Variants in ACBD6 observed in about 807,000 individuals in gnomAD.
ACBD6 encodes acyl-CoA-binding domain-containing protein 6.
Under a neutral mutation model 37.2 loss-of-function variants are expected in ACBD6, and 28 were observed. The observed-to-expected ratio is 0.75, with a 90% CI of 0.56 to 1.03. The LOEUF is 1.03. Among genes scored for constraint, ACBD6 ranks in the 50% least tolerant of loss-of-function variants. The pLI is 0.00. For missense variants in ACBD6, 340 were observed against 337.4 expected, an observed-to-expected ratio of 1.01 and a Z score of -0.06; for synonymous variants, 113 against 126.8, an observed-to-expected ratio of 0.89 and a Z score of 0.73.
chr1:180,419,009 C>A (rs896688926), intron 4 of ACBD6, among the ~76,000 whole-genome samples: 2 of 152,174 alleles, frequency 1.3e-5, no homozygotes, highest in African/African-American at 4.8e-5. Flanking sequence ...CCCAGCACTT[C>A]GGGAGGCCGA....
chr1:180,279,220 C>T (rs950717086), intron 9 of ACBD6, among the ~76,000 whole-genome samples: 20 of 152,208 alleles, frequency 1.3e-4, no homozygotes, highest in African/African-American at 4.1e-4. Context: ...TGGGCACGAT[C>T]CTCTGCCCCC....
chr1:180,346,997 CAG>C, intron 6 of ACBD6, among the ~76,000 whole-genome samples: 1 of 151,552 alleles, frequency 6.6e-6, no homozygotes, highest in South Asian at 2.1e-4. Flanking sequence ...CCCCGGGTGA[CAG>C]AGTGAGACCT....
intron 3 of ACBD6, among the ~76,000 whole-genome samples, chr1:180,459,896 G>A (rs913203147): frequency 3.3e-5 from 5 of 149,614 alleles, no homozygotes; most frequent in African/African-American, 9.8e-5. Flanking sequence ...AGGGGAGTCC[G>A]AACCATTTAG....
chr1:180,440,965 T>A (rs1340145996), intron 3 of ACBD6, among the ~76,000 whole-genome samples: 2 of 152,206 alleles, frequency 1.3e-5, no homozygotes, highest in Non-Finnish European at 2.9e-5. Context: ...TAATGGACAT[T>A]TGGGTTGTTT....
intron 3 of ACBD6, among the ~76,000 whole-genome samples, chr1:180,444,275 T>C (rs1336013668): frequency 2.0e-5 from 3 of 147,116 alleles, no homozygotes; most frequent in Non-Finnish European, 3.0e-5. Context: ...CAGAGTGAGA[T>C]TCCGTCTCTC....
At chr1:180,492,038 A>T (rs1345971824) in intron 3 of ACBD6, among the ~76,000 whole-genome samples, 1 of 152,104 alleles carries the variant, frequency 6.6e-6, no homozygotes, top group Non-Finnish European at 1.5e-5. Context: ...TTGAACTCTT[A>T]CCTCAGGTGA....
At chr1:180,390,435 G>A (rs1449950749) in intron 6 of ACBD6, among the ~76,000 whole-genome samples, 2 of 151,800 alleles carry the variant, frequency 1.3e-5, no homozygotes, top group Non-Finnish European at 2.9e-5. Context: ...GTCAGGTAGT[G>A]TGATGCCTCC....
rs371560714 is a variant in ACBD6 at position 180,389,230 on chromosome 1, C to G, written c.663+8286G>C. Among the ~76,000 whole-genome samples the G allele has an allele frequency of 9.8e-5, 15 of 152,286 alleles. No homozygotes were observed. The East Asian group carries it at 1.2e-3, about 12-fold the overall frequency. ...TGCGTTCTCATTGTTCAATTCCCACCTATGAGTGAGAACATGCGGAGTTTG... is the reference window on the plus strand; with the variant it reads ...TGCGTTCTCATTGTTCAATTCCCACGTATGAGTGAGAACATGCGGAGTTTG... On this transcript the variant is annotated intron_variant, in intron 6 of 7. Transcript: ENST00000367595.
chr1:180,316,544 T>C (rs184603170), intron 6 of ACBD6, among the ~76,000 whole-genome samples: 10 of 152,296 alleles, frequency 6.6e-5, no homozygotes, highest in Non-Finnish European at 1.0e-4. Context: ...TCACTATTTG[T>C]GCATAACTTT....
chr1:180,389,815 T>G (rs1351631397), intron 6 of ACBD6, among the ~76,000 whole-genome samples: 1 of 152,362 alleles, frequency 6.6e-6, no homozygotes. Context: ...GAGAAGTGTC[T>G]GTTCATGTCC....
At chr1:180,409,130 T>C (rs758031641) in intron 5 of ACBD6, among the ~76,000 whole-genome samples, 3 of 150,996 alleles carry the variant, frequency 2.0e-5, no homozygotes, top group Non-Finnish European at 3.0e-5. Flanking sequence ...CACTCCAGCC[T>C]GAGAATCTGT....
chr1:180,445,888 G>C, intron 3 of ACBD6, among the ~76,000 whole-genome samples: 1 of 152,122 alleles, frequency 6.6e-6, no homozygotes, highest in East Asian at 1.9e-4. Context: ...AAGATCCTTT[G>C]ATATTCCAAA....
intron 9 of ACBD6, chr1:180,276,461 T>C (rs1398693130): frequency 1.3e-5 from 2 of 152,204 alleles, no homozygotes; most frequent in African/African-American, 4.8e-5. Flanking sequence ...GATTTTTGCT[T>C]GAGAAGTCTG....
intron 7 of ACBD6, among the ~76,000 whole-genome samples, chr1:180,292,233 C>T (rs1219748427): frequency 6.6e-6 from 1 of 152,138 alleles, no homozygotes; most frequent in Non-Finnish European, 1.5e-5. Flanking sequence ...CTGATTGGGA[C>T]CCCGCTGAAT....
At chr1:180,368,294 T>C (rs975207115) in intron 6 of ACBD6, among the ~76,000 whole-genome samples, 7 of 152,200 alleles carry the variant, frequency 4.6e-5, no homozygotes, top group Non-Finnish European at 7.3e-5. Flanking sequence ...GTTAGATGCA[T>C]AGTTTGCAAA....
At chr1:180,298,613 C>T (rs1395623221) in intron 7 of ACBD6, among the ~76,000 whole-genome samples, 1 of 152,162 alleles carries the variant, frequency 6.6e-6, no homozygotes, top group Admixed American at 6.5e-5. Flanking sequence ...AGTCAACCAG[C>T]TATGAAAATG....
intron 6 of ACBD6, among the ~76,000 whole-genome samples, chr1:180,329,698 T>C (rs1401759407): frequency 6.6e-6 from 1 of 152,202 alleles, no homozygotes; most frequent in African/African-American, 2.4e-5. Context: ...AAGCTTGTAT[T>C]CAAATAGAAT....
chr1:180,417,452 G>C (rs1648146667), intron 4 of ACBD6, among the ~76,000 whole-genome samples: 1 of 152,140 alleles, frequency 6.6e-6, no homozygotes, highest in African/African-American at 2.4e-5. Context: ...GGTCTCATTA[G>C]GACCATGGCT....
chr1:180,424,358 T>C (rs1648498038), intron 4 of ACBD6, among the ~76,000 whole-genome samples: 1 of 148,904 alleles, frequency 6.7e-6, no homozygotes, highest in Non-Finnish European at 1.5e-5. Flanking sequence ...TCATTATTCT[T>C]ATCTTAAGAA....
Sources: allele counts gnomAD v4.1 joint callset (sites outside exome capture counted in the v4.1 genomes callset), GRCh38; gene constraint gnomAD v4.1.1; transcripts MANE v1.5; gene names NCBI Gene and HGNC (gene_info 2026-07-23, HGNC 2026-07-21).